CNTNAP3: variants seen among roughly 807,000 people sequenced by gnomAD.
The protein encoded by CNTNAP3 is contactin associated protein family member 3.
Under a neutral mutation model 92.1 loss-of-function variants are expected in CNTNAP3, and 36 were observed. The observed-to-expected ratio is 0.39, with a 90% CI of 0.30 to 0.52. The LOEUF (loss-of-function observed/expected upper bound fraction) is 0.52, where lower values mean the gene tolerates loss of function less well. CNTNAP3 is among the 20% of genes least tolerant of loss of function. The pLI is 0.76. For synonymous variants in CNTNAP3, 232 were observed against 422.3 expected (o/e 0.55, Z 5.53); for missense variants, 534 against 1,069.6 (o/e 0.50, Z 6.98).
Position 39,105,428 on chromosome 9 carries a change from AAAAC to A in CNTNAP3, c.2366-1518_2366-1515del, listed in dbSNP as rs538319512. The stretch of plus-strand genomic sequence containing the variant: ...GGTGACAGAGCAACTCTCCATCTCA[AAAAC>A]AAACAAACAAACAAACAAACCAAGA... On this transcript the variant is annotated intron_variant, in intron 15 of 23. Coordinates refer to ENST00000297668, the MANE Select transcript of CNTNAP3 (RefSeq NM_033655.5). Among the ~76,000 whole-genome samples the A allele has an allele frequency of 1.7e-3, 255 of 152,278 alleles. 1 individual carries two copies. The highest frequency in any genetic ancestry group is 5.1e-3 in the African/African-American group (213 of 41,554).
chr9:39,073,743 C>A lies in CNTNAP3; in HGVS notation c.*147G>T. On this transcript the variant is annotated 3_prime_UTR_variant, in exon 24 of 24. Transcript: ENST00000297668. Reference sequence around the variant, plus strand: ...GGTCTTCAGCCAGGTGACAGCACTGCACCTGCTTGTGTGCACCCTGATGGC... The same window carrying A: ...GGTCTTCAGCCAGGTGACAGCACTGAACCTGCTTGTGTGCACCCTGATGGC... The A allele has an allele frequency of 6.3e-7, 1 of 1,576,304 alleles. No homozygotes were observed. Among genetic ancestry groups the A allele is most frequent in the South Asian group, 1.1e-5 (1 of 89,750 alleles).
At chr9:39,106,199 A>ATC (rs1564074577) in intron 15 of CNTNAP3, among the ~76,000 whole-genome samples, 1 of 152,224 alleles carries the variant, frequency 6.6e-6, no homozygotes, top group Non-Finnish European at 1.5e-5. Flanking sequence ...GAAAACAGAG[A>ATC]TGAAGATAAG....
intron 9 of CNTNAP3, 53 bp from the exon 10 acceptor site, chr9:39,150,030 C>A (rs1181325610): frequency 7.2e-6 from 11 of 1,537,048 alleles, no homozygotes; most frequent in Middle Eastern, 4.7e-4. Flanking sequence ...CAAAACTATT[C>A]CACAGTATTT....
At chr9:39,082,542 G>A (rs1825971362) in intron 21 of CNTNAP3, among the ~76,000 whole-genome samples, 1 of 152,292 alleles carries the variant, frequency 6.6e-6, no homozygotes, top group Non-Finnish European at 1.5e-5. Context: ...TGTTGAAAGA[G>A]GCAATCCACC....
chr9:39,214,328 GT>G (rs1489924379), intron 3 of CNTNAP3, among the ~76,000 whole-genome samples: 401 of 10,076 alleles, frequency 0.04, 27 homozygotes, highest in African/African-American at 0.05. Context: ...AGCACCAAAG[GT>G]TATTCCACAA....
chr9:39,131,699 G>T (rs1418980105), intron 13 of CNTNAP3, among the ~76,000 whole-genome samples: 1 of 152,228 alleles, frequency 6.6e-6, no homozygotes, highest in African/African-American at 2.4e-5. Context: ...GGCGGCACCC[G>T]CCTGTATTCT....
At chr9:39,146,776 A>T (rs1339283005) in intron 10 of CNTNAP3, among the ~76,000 whole-genome samples, 1 of 152,190 alleles carries the variant, frequency 6.6e-6, no homozygotes, top group Non-Finnish European at 1.5e-5. Context: ...GCCCATTGCT[A>T]TTTTTTGTGT....
rs1479079488 is a variant in CNTNAP3 at position 39,086,845 on chromosome 9, A to G, written c.3225T>C (p.Ser1075=). 5 of 1,599,272 alleles carry G rather than the reference A, an allele frequency of 3.1e-6. No individual in the cohort carries two copies. The highest frequency in any genetic ancestry group is 3.4e-5 in the Admixed American group (2 of 58,206). ...YLSVILANNG[S]LQIRYKLDRH... is the part of the protein sequence containing the mutation. ...TATCTAGCTTGTACCTAATCTGCAA[A>G]CTTCCTAAAAAGAAAAATAAATGGC... Residue 1075 remains serine (S), a synonymous_variant, in exon 20 of 24, where the codon AGT becomes AGC. Transcript: ENST00000297668.
Position 39,133,080 on chromosome 9 carries a change from T to C in CNTNAP3, c.1932A>G (p.Arg644=), listed in dbSNP as rs946038931. 45 of 1,565,974 alleles carry C rather than the reference T, an allele frequency of 2.9e-5. No homozygotes were observed. The highest frequency in any genetic ancestry group is 3.8e-5 in the Non-Finnish European group (44 of 1,162,452). The change falls in exon 13 of 24, where the codon CGA becomes CGG. Residue 644 remains arginine (R), a synonymous_variant. Transcript: ENST00000297668. The part of the protein sequence containing the change: ...QHGGPDAVTL[R]GAPSGHPRSA... ...AGCGCGGGTGCCCGCTGGGGGCACC[T>C]CGGAGGGTCACCGCGTCGGGGCCAC...
Position 39,069,918 on chromosome 9 carries a change from G to T in CNTNAP3, c.*3972C>A, listed in dbSNP as rs1825604216. 6.6e-6 allele frequency among the ~76,000 whole-genome samples: 1 copy of T among 152,008 alleles called. No individual in the cohort carries two copies. The highest frequency in any genetic ancestry group is 2.4e-5 in the African/African-American group (1 of 41,420). On this transcript the variant is annotated 3_prime_UTR_variant, in exon 24 of 24. Transcript: ENST00000297668. The stretch of plus-strand genomic sequence containing the variant: ...ATTCAATTTTTTAATTAAAAAATTG[G>T]TTCTCTCTTTACACATAATTGCCAA...
In CNTNAP3 at chr9:39,134,400, A is replaced by G. The variant is rs556241326; in HGVS notation, c.1877-1265T>C. Among the ~76,000 whole-genome samples, 156 of 147,810 alleles carry G rather than the reference A, an allele frequency of 1.1e-3. 1 individual carries two copies. Among genetic ancestry groups the G allele is most frequent in the African/African-American group, 3.8e-3 (148 of 38,620 alleles). On this transcript the variant is annotated intron_variant, in intron 12 of 23. Coordinates refer to ENST00000297668, the MANE Select transcript of CNTNAP3 (RefSeq NM_033655.5). ...TGGGTTCTTCCTTTAATATTGCTCT[A>G]TTTTTTTTATTTTAGATTTTTTATT... is the stretch of plus-strand genomic sequence containing the variant.
chr9:39,113,056 T>C (rs1337282761), intron 14 of CNTNAP3, among the ~76,000 whole-genome samples: 5 of 152,154 alleles, frequency 3.3e-5, no homozygotes, highest in Non-Finnish European at 7.4e-5. Context: ...TATTTTGGGC[T>C]AATTTTTTTT....
At chr9:39,083,638 G>A (rs1825998995) in intron 21 of CNTNAP3, among the ~76,000 whole-genome samples, 3 of 152,272 alleles carry the variant, frequency 2.0e-5, no homozygotes, top group South Asian at 2.1e-4. Flanking sequence ...CAGCCTGGGC[G>A]ACAGAGTGAT....
chr9:39,107,370 G>A (rs1826633108), intron 15 of CNTNAP3, among the ~76,000 whole-genome samples: 1 of 145,876 alleles, frequency 6.9e-6, no homozygotes, highest in Non-Finnish European at 1.5e-5. Context: ...GGGAGGAAGG[G>A]AGGGAGAGAA....
At chr9:39,128,715 G>C (rs1821206485) in intron 13 of CNTNAP3, among the ~76,000 whole-genome samples, 1 of 151,804 alleles carries the variant, frequency 6.6e-6, no homozygotes, top group Admixed American at 6.6e-5. Context: ...ACTCCCTACA[G>C]ATTGACGAGG....
chr9:39,120,414 C>A (rs1418686679), intron 13 of CNTNAP3, among the ~76,000 whole-genome samples: 1 of 152,158 alleles, frequency 6.6e-6, no homozygotes, highest in Non-Finnish European at 1.5e-5. Context: ...GTGGCTCACG[C>A]CTGTAATCCC....
At chr9:39,105,952 C>T (rs995779416) in intron 15 of CNTNAP3, among the ~76,000 whole-genome samples, 2 of 151,686 alleles carry the variant, frequency 1.3e-5, no homozygotes, top group Non-Finnish European at 2.9e-5. Flanking sequence ...GTGGATACCT[C>T]CGTTTTTAAC....
chr9:39,077,403 A>G, intron 23 of CNTNAP3, among the ~76,000 whole-genome samples: 1 of 151,846 alleles, frequency 6.6e-6, no homozygotes. Flanking sequence ...CTAAAAATAC[A>G]AAAAATAGCC....
At chr9:39,121,595 A>T (rs1041306338) in intron 13 of CNTNAP3, among the ~76,000 whole-genome samples, 13 of 152,280 alleles carry the variant, frequency 8.5e-5, no homozygotes, top group African/African-American at 3.1e-4. Context: ...CAGATGGTGG[A>T]GTCTGGTAAA....
Sources: allele counts gnomAD v4.1 joint callset (sites outside exome capture counted in the v4.1 genomes callset), GRCh38; gene constraint gnomAD v4.1.1; transcripts MANE v1.5; gene names NCBI Gene and HGNC (gene_info 2026-07-23, HGNC 2026-07-21).